Variants in HSPG2 observed in about 807,000 individuals in gnomAD.
HSPG2 encodes heparan sulfate proteoglycan 2, also known as basement membrane-specific heparan sulfate proteoglycan core protein.
HSPG2 carries 278 observed loss-of-function variants against 526.6 expected under a neutral mutation model. The observed-to-expected ratio is 0.53, with a 90% CI of 0.48 to 0.58. The LOEUF (loss-of-function observed/expected upper bound fraction) is 0.58, where lower values mean the gene tolerates loss of function less well. HSPG2 is among the 20% of genes least tolerant of loss of function. HSPG2 has a pLI of 0.00. For missense variants in HSPG2, 5,354 were observed against 6,099.5 expected, an observed-to-expected ratio of 0.88 and a Z score of 4.07; for synonymous variants, 2,465 against 2,555.4, an observed-to-expected ratio of 0.96 and a Z score of 1.07.
At chr1:21,892,717 G>C (rs961874989) in intron 3 of HSPG2, among the ~76,000 whole-genome samples, 1 of 152,112 alleles carries the variant, frequency 6.6e-6, no homozygotes, top group African/African-American at 2.4e-5. Flanking sequence ...AATTAACCAG[G>C]CGTGGTAGTG....
chr1:21,843,235 C>T (rs540675922), intron 66 of HSPG2, 62 bp downstream of exon 66: 4 of 1,607,256 alleles, frequency 2.5e-6, no homozygotes, highest in Admixed American at 1.7e-5. Flanking sequence ...AGGAGAGGAG[C>T]AGAGCTGGGA....
intron 10 of HSPG2, 74 bp downstream of exon 10, chr1:21,885,246 G>A (rs1641801310): frequency 6.2e-6 from 10 of 1,609,182 alleles, no homozygotes; most frequent in African/African-American, 2.7e-5. Flanking sequence ...GGAGAAGGGT[G>A]GAGGCTGAGG....
At chr1:21,912,422 T>A (rs567123916) in intron 1 of HSPG2, among the ~76,000 whole-genome samples, 210 of 152,112 alleles carry the variant, frequency 1.4e-3, no homozygotes, top group African/African-American at 4.7e-3. Context: ...CCGGGGAGAA[T>A]GAGACACAAG....
chr1:21,840,008 C>A lies in HSPG2; in HGVS notation c.9523G>T (p.Ala3175Ser). The change falls in exon 72 of 97, where the codon GCT (alanine) becomes TCT (serine). Residue 3175 changes from alanine to serine, a missense_variant. Transcript: ENST00000374695. ...DSHAVLQISS[A>S]KPSDAGTYVC... ...TAAGTGCCCGCATCTGATGGTTTAG[C>A]TGATGAAATCTGGGAGAAAGCAAGG... is the stretch of plus-strand genomic sequence containing the variant. 1.2e-6 allele frequency: 2 copies of A among 1,614,194 alleles called. No individual in the cohort carries two copies. The highest frequency in any genetic ancestry group is 1.7e-4 in the Middle Eastern group (1 of 6,054).
At chr1:21,905,167 C>CACACA (rs1643304794) in intron 1 of HSPG2, among the ~76,000 whole-genome samples, 1 of 120,782 alleles carries the variant, frequency 8.3e-6, no homozygotes, top group Non-Finnish European at 1.6e-5. Context: ...CACCCACCAC[C>CACACA]CACCCACACA....
In HSPG2 at chr1:21,887,131, GGGCGGGGCAGGAGTGGAA is replaced by G. The variant is rs755003280; in HGVS notation, c.1078+66_1078+83del. ...GGGGGAAAGCGGAGGGGCAGGGTAG[GGGCGGGGCAGGAGTGGAA>G]GGCGGGGCAGGAGCAAGCGGCCTGG... On this transcript the variant is annotated intron_variant, in intron 9 of 96. Coordinates refer to ENST00000374695, the MANE Select transcript of HSPG2 (RefSeq NM_005529.7). The surrounding 1 kb of genome is among the most constrained non-coding windows in gnomAD (Gnocchi z 5.0). 5.5e-5 allele frequency: 79 copies of G among 1,430,366 alleles called. No homozygotes were observed. The Middle Eastern group carries it at 9.6e-4, about 17-fold the overall frequency. The allele number at this position is 1,430,366 out of a possible 1,614,324, so 88.6% of individuals were successfully genotyped here. A position where few individuals can be genotyped will look rare whatever the true frequency, so the allele number is the denominator to read the frequency against.
In HSPG2 at chr1:21,890,062, G is replaced by A; in HGVS notation, c.493C>T (p.Leu165=). 2 of 1,613,680 alleles carry A rather than the reference G, an allele frequency of 1.2e-6. No individual in the cohort carries two copies. The highest frequency in any genetic ancestry group is 2.2e-5 in the South Asian group (2 of 91,058). ...GAGCCGCTGGAGATGACCCTGAGCA[G>A]CATCTCCTGAATCTGAGCCCCATCC... is the stretch of plus-strand genomic sequence containing the variant. ...NADGAQIQEM[L]LRVISSGSVA... is the part of the protein sequence containing the mutation. Residue 165 remains leucine, a synonymous_variant, in exon 6 of 97, where the codon CTG becomes TTG. Coordinates refer to ENST00000374695, the MANE Select transcript of HSPG2 (RefSeq NM_005529.7). The surrounding 1 kb of genome is among the most constrained non-coding windows in gnomAD (Gnocchi z 4.1).
intron 1 of HSPG2, among the ~76,000 whole-genome samples, chr1:21,918,377 A>C (rs1569588390): frequency 6.6e-6 from 1 of 152,152 alleles, no homozygotes; most frequent in South Asian, 2.1e-4. Flanking sequence ...AGGCAGGAGA[A>C]TCACTTGAAC....
Position 21,831,046 on chromosome 1 carries a change from G to A in HSPG2, c.11607C>T (p.Cys3869=), listed in dbSNP as rs1327004270. The A allele has an allele frequency of 4.1e-5, 65 of 1,591,750 alleles. No homozygotes were observed. The highest frequency in any genetic ancestry group is 5.4e-5 in the African/African-American group (4 of 74,748). Residue 3869 remains cysteine (C), a synonymous_variant, in exon 85 of 97, where the codon TGC becomes TGT. Transcript: ENST00000374695. ...CHDSESSSYV[C]VCPAGFTGSR... is the part of the protein sequence containing the mutation. ...TCCCGGTGAAGCCAGCTGGGCAGAC[G>A]CACACGTAGCTGCTGCTCTCAGAGT...
intron 50 of HSPG2, among the ~76,000 whole-genome samples, chr1:21,853,432 A>T (rs1639069878): frequency 6.6e-6 from 1 of 152,166 alleles, no homozygotes. Context: ...CTTTCCATAG[A>T]CACTGTCTCA....
At position 21,864,802 on chromosome 1, in the gene HSPG2, C is replaced by CTG; in HGVS notation, c.4626+39_4626+40dup. On this transcript the variant is annotated intron_variant, in intron 36 of 96. Transcript: ENST00000374695. This position sits in a 1 kb window ranked among gnomAD's most constrained non-coding sequence, Gnocchi z 4.8. ...CCGGCTGATTTGCTTGCTGATGCCT[C>CTG]TGTGCCTGTGCAGAGGTGGTGGAGC... is the stretch of plus-strand genomic sequence containing the variant. The CTG allele has an allele frequency of 6.5e-7, 1 of 1,536,662 alleles. No individual in the cohort carries two copies. The highest frequency in any genetic ancestry group is 8.9e-7 in the Non-Finnish European group (1 of 1,122,828).
At chr1:21,888,459 A>T (rs933471086) in intron 6 of HSPG2, among the ~76,000 whole-genome samples, 16 of 152,136 alleles carry the variant, frequency 1.1e-4, no homozygotes, top group African/African-American at 2.9e-4. Flanking sequence ...CCTTTAAAAA[A>T]TTTTTTTCTC....
intron 74 of HSPG2, among the ~76,000 whole-genome samples, chr1:21,838,250 T>A (rs1271197044): frequency 6.6e-6 from 1 of 151,746 alleles, no homozygotes; most frequent in African/African-American, 2.4e-5. Context: ...CAGGTCTGAG[T>A]CCACAGTCCA....
chr1:21,907,206 G>C (rs1028167842), intron 1 of HSPG2, among the ~76,000 whole-genome samples: 2 of 152,178 alleles, frequency 1.3e-5, no homozygotes, highest in African/African-American at 4.8e-5. Context: ...GGAGGTACCT[G>C]TGCCCCAGAG....
chr1:21,862,817 G>A (rs990031866), intron 37 of HSPG2, among the ~76,000 whole-genome samples: 1 of 78,992 alleles, frequency 1.3e-5, no homozygotes, highest in African/African-American at 4.1e-5. Flanking sequence ...GCTCACGCCT[G>A]TAATCTCAGG....
intron 87 of HSPG2, 77 bp downstream of exon 87, chr1:21,829,306 C>G: frequency 1.3e-6 from 2 of 1,492,504 alleles, no homozygotes; most frequent in Non-Finnish European, 1.9e-6. Context: ...TCCTCCCATG[C>G]CTCCCTGGGG....
Position 21,836,899 on chromosome 1 carries a change from G to T in HSPG2, c.10258C>A (p.His3420Asn). 1 of 1,566,372 alleles carries T rather than the reference G, an allele frequency of 6.4e-7. No homozygotes were observed. ...CCCCGGTCGCTGGGCACAGCACAGT[G>T]GAACTCAACGCTGGCCCCAATGCTC... ...TKSIGASVEF[H>N]CAVPSDRGTQ... Residue 3420 changes from histidine (H) to asparagine (N), a missense_variant, in exon 75 of 97, where the codon CAC becomes AAC. Coordinates refer to ENST00000374695, the MANE Select transcript of HSPG2 (RefSeq NM_005529.7).
chr1:21,910,661 C>T (rs951550165), intron 1 of HSPG2, among the ~76,000 whole-genome samples: 2 of 152,074 alleles, frequency 1.3e-5, no homozygotes, highest in Non-Finnish European at 2.9e-5. Context: ...ACAGTAGGTG[C>T]CAAATAAATA....
intron 1 of HSPG2, among the ~76,000 whole-genome samples, chr1:21,926,398 T>C (rs918266621): frequency 6.6e-6 from 1 of 152,072 alleles, no homozygotes; most frequent in East Asian, 1.9e-4. Flanking sequence ...CCTGGGTTTC[T>C]GTTCCTCTGG....
Sources: allele counts gnomAD v4.1 joint callset (sites outside exome capture counted in the v4.1 genomes callset), GRCh38; gene constraint gnomAD v4.1.1; non-coding constraint Gnocchi (gnomAD v3.1); transcripts MANE v1.5; gene names NCBI Gene and HGNC (gene_info 2026-07-23, HGNC 2026-07-21).